The following ENTPD1 variants were observed in gnomAD, a reference collection of about 807,000 sequenced individuals.
The protein encoded by ENTPD1 is ATP diphosphohydrolase.
Under a neutral mutation model 57.0 loss-of-function variants are expected in ENTPD1, and 33 were observed. That is an observed-to-expected ratio of 0.58 (90% CI 0.44 to 0.77). The LOEUF is 0.77. Among genes scored for constraint, ENTPD1 ranks in the 30% least tolerant of loss-of-function variants. The probability of loss-of-function intolerance (pLI) is 0.00; values close to 1 mark genes in which losing one functional copy is unlikely to be tolerated. For missense variants in ENTPD1, 501 were observed against 603.4 expected (o/e 0.83, Z 1.78); for synonymous variants, 202 against 218.8 (o/e 0.92, Z 0.68).
intron 7 of ENTPD1, among the ~76,000 whole-genome samples, chr10:95,857,336 T>C (rs967813246): frequency 9.9e-5 from 15 of 152,252 alleles, no homozygotes; most frequent in Non-Finnish European, 1.8e-4. Context: ...CAAATGTCAC[T>C]ACTTAGCAAA....
chr10:95,810,107 G>GCA (rs2098297607), intron 1 of ENTPD1, among the ~76,000 whole-genome samples: 1 of 143,832 alleles, frequency 7.0e-6, no homozygotes, highest in South Asian at 2.3e-4. Context: ...CGGACAGGGC[G>GCA]GCCGGGCAGA....
chr10:95,818,386 G>A (rs1023749969), intron 1 of ENTPD1, among the ~76,000 whole-genome samples: 3 of 152,184 alleles, frequency 2.0e-5, no homozygotes, highest in African/African-American at 7.2e-5. Context: ...AGGGCTTGGA[G>A]GTCTAGGTAG....
At chr10:95,811,316 A>C (rs528836763) in intron 1 of ENTPD1, among the ~76,000 whole-genome samples, 2 of 152,334 alleles carry the variant, frequency 1.3e-5, no homozygotes, top group Non-Finnish European at 2.9e-5. Context: ...TGAGTGGCTG[A>C]CAGGGTGCTA....
At chr10:95,865,464 C>T in intron 9 of ENTPD1, among the ~76,000 whole-genome samples, 1 of 152,136 alleles carries the variant, frequency 6.6e-6, no homozygotes. Flanking sequence ...CCAAAAATAC[C>T]CAGAGCAGTG....
chr10:95,722,973 A>G (rs571230898), intron 1 of ENTPD1, among the ~76,000 whole-genome samples: 183 of 152,318 alleles, frequency 1.2e-3, no homozygotes, highest in Middle Eastern at 3.4e-3. Flanking sequence ...GTTTCCTCTA[A>G]AAGTTATTTT....
intron 1 of ENTPD1, among the ~76,000 whole-genome samples, chr10:95,774,297 G>T (rs1240212277): frequency 1.3e-5 from 2 of 152,094 alleles, no homozygotes; most frequent in Non-Finnish European, 2.9e-5. Context: ...TCACTCTGAT[G>T]GTAGTTTCTT....
At chr10:95,785,910 G>A (rs1181496467) in intron 1 of ENTPD1, among the ~76,000 whole-genome samples, 1 of 152,180 alleles carries the variant, frequency 6.6e-6, no homozygotes, top group Admixed American at 6.6e-5. Flanking sequence ...TACCCAGTAA[G>A]AACATAACAA....
intron 1 of ENTPD1, among the ~76,000 whole-genome samples, chr10:95,818,907 GT>G (rs1263662249): frequency 6.6e-6 from 1 of 152,170 alleles, no homozygotes; most frequent in African/African-American, 2.4e-5. Context: ...CACATTTGCT[GT>G]TTTGTTCTCT....
rs755997413 is a variant in ENTPD1, at chr10:95,823,209, T to A, written c.17-28T>A. The A allele has an allele frequency of 2.5e-6, 4 of 1,613,324 alleles. No homozygotes were observed. The African/African-American group carries it at 5.3e-5, about 22-fold the overall frequency. On this transcript the variant is annotated intron_variant, in intron 1 of 9. Transcript: ENST00000371205. ...ATCAGTGTTTTTGATTTCTTGTTGG[T>A]ATTTTTTTCTTCTGCTTTTGGTTTT...
chr10:95,702,821 C>T, the ENTPD1 span, among the ~76,000 whole-genome samples: 2 of 152,280 alleles, frequency 1.3e-5, no homozygotes, highest in Middle Eastern at 3.4e-3. Flanking sequence ...CTCACTCTGT[C>T]GCCCATGCTG....
At position 95,720,193 on chromosome 10, in the gene ENTPD1, G is replaced by A. The variant is rs548231539; in HGVS notation, c.37+8200G>A. 2.6e-5 allele frequency among the ~76,000 whole-genome samples: 4 copies of A among 152,204 alleles called. No individual in the cohort carries two copies. The South Asian group carries it at 8.3e-4, about 32-fold the overall frequency. On this transcript the variant is annotated intron_variant, in intron 1 of 9. Coordinates refer to the ENTPD1 transcript ENST00000453258. ...GGGGTACTGCCTTTGGTAGGGAAAGGAGGCAGAATCCTTTAGTTTAACTTG... is the reference window on the plus strand; with the variant it reads ...GGGGTACTGCCTTTGGTAGGGAAAGAAGGCAGAATCCTTTAGTTTAACTTG...
At chr10:95,846,659 C>G (rs992297621) in intron 6 of ENTPD1, among the ~76,000 whole-genome samples, 1 of 152,132 alleles carries the variant, frequency 6.6e-6, no homozygotes, top group African/African-American at 2.4e-5. Context: ...CCACAGCAGC[C>G]TCCTTTCTTC....
intron 7 of ENTPD1, among the ~76,000 whole-genome samples, chr10:95,853,128 C>T (rs2098448362): frequency 6.6e-6 from 1 of 152,098 alleles, no homozygotes; most frequent in South Asian, 2.1e-4. Context: ...TTGTAGTTCT[C>T]CTTGAAGAGG....
intron 2 of ENTPD1, 119 bp downstream of exon 2, chr10:95,823,483 A>G (rs918002006): frequency 8.4e-5 from 125 of 1,485,036 alleles, no homozygotes; most frequent in Non-Finnish European, 1.0e-4. Context: ...ACAGCCCAGG[A>G]ACAAGTCAAT....
intron 1 of ENTPD1, among the ~76,000 whole-genome samples, chr10:95,802,639 G>A (rs1436370340): frequency 1.3e-5 from 2 of 152,114 alleles, no homozygotes; most frequent in African/African-American, 4.8e-5. Context: ...CCCGGTGTGT[G>A]ATGTTCCCCG....
intron 7 of ENTPD1, among the ~76,000 whole-genome samples, chr10:95,858,156 CAA>C (rs35825117): frequency 1.5e-4 from 16 of 109,988 alleles, no homozygotes; most frequent in East Asian, 2.6e-4. Context: ...GACTCCATCT[CAA>C]AAAAAAAAAA....
Position 95,868,833 on chromosome 10 carries a change from C to T in ENTPD1, c.*2450C>T, listed in dbSNP as rs140994247. ...TATTCCATTCCTGTTTGGTTGCCTA[C>T]GTCCAATCTCCCCCTCCCCAGAGAT... On this transcript the variant is annotated 3_prime_UTR_variant, in exon 10 of 10. Coordinates refer to ENST00000371205, the MANE Select transcript of ENTPD1 (RefSeq NM_001776.6). 6.2e-4 allele frequency: 612 copies of T among 985,264 alleles called. 2 individuals carry two copies. The East Asian group carries it at 7.4e-3, about 12-fold the overall frequency. 61.0% of individuals were successfully genotyped at this position (985,264 alleles called of 1,614,324 possible).
intron 1 of ENTPD1, among the ~76,000 whole-genome samples, chr10:95,739,371 C>T (rs2097997867): frequency 6.6e-6 from 1 of 152,226 alleles, no homozygotes; most frequent in Non-Finnish European, 1.5e-5. Flanking sequence ...TGTCAGTCCT[C>T]TCAAGCCCTG....
chr10:95,867,215 A>C lies in ENTPD1; in HGVS notation c.*832A>C. 6 of 979,936 alleles carry C rather than the reference A, an allele frequency of 6.1e-6. No individual in the cohort carries two copies. The highest frequency in any genetic ancestry group is 7.3e-6 in the Non-Finnish European group (6 of 824,918). 60.7% of individuals were successfully genotyped at this position (979,936 alleles called of 1,614,324 possible). ...CAATGCATATTTTTATTATGGTAAAATATACATAAATATAATTCACCATTT... is the reference window on the plus strand; with the variant it reads ...CAATGCATATTTTTATTATGGTAAACTATACATAAATATAATTCACCATTT... On this transcript the variant is annotated 3_prime_UTR_variant, in exon 10 of 10. Coordinates refer to ENST00000371205, the MANE Select transcript of ENTPD1 (RefSeq NM_001776.6).
Sources: allele counts gnomAD v4.1 joint callset (sites outside exome capture counted in the v4.1 genomes callset), GRCh38; gene constraint gnomAD v4.1.1; transcripts MANE v1.5; gene names NCBI Gene and HGNC (gene_info 2026-07-23, HGNC 2026-07-21).